Variants in MTR observed in about 807,000 individuals in gnomAD.
The protein encoded by MTR is 5-methyltetrahydrofolate-homocysteine methyltransferase, also known as methionine synthase.
Under a neutral mutation model 154.8 loss-of-function variants are expected in MTR, and 84 were observed. The observed-to-expected ratio is 0.54, with a 90% confidence interval of 0.45 to 0.65. The LOEUF is 0.65. Among genes scored for constraint, MTR ranks in the 30% least tolerant of loss-of-function variants. The pLI is 0.00. For synonymous variants in MTR, 554 were observed against 553.9 expected, an observed-to-expected ratio of 1.00 and a Z score of 0.00; for missense variants, 1,275 against 1,570.2, an observed-to-expected ratio of 0.81 and a Z score of 3.18.
chr1:236,897,310 G>GCACGCACACACACACACACACACA (rs1373475510), intron 32 of MTR, among the ~76,000 whole-genome samples, 192 bp downstream of exon 32: 37 of 128,678 alleles, frequency 2.9e-4, no homozygotes, highest in African/African-American at 9.3e-4. Context: ...CCACACACAC[G>GCACGCACACACACACACACACACA]CACACACACA....
chr1:236,807,639 A>G (rs923038575), intron 3 of MTR, among the ~76,000 whole-genome samples: 1 of 152,168 alleles, frequency 6.6e-6, no homozygotes, highest in African/African-American at 2.4e-5. Context: ...TTTAAATTTT[A>G]TAAAACCTTG....
intron 24 of MTR, among the ~76,000 whole-genome samples, chr1:236,876,615 GT>G (rs1300589811): frequency 2.0e-5 from 3 of 152,100 alleles, no homozygotes; most frequent in African/African-American, 7.2e-5. Flanking sequence ...TTTTTATATG[GT>G]GGGACACTAC....
chr1:236,796,381 A>C (rs1342906099), intron 1 of MTR, among the ~76,000 whole-genome samples: 1 of 152,194 alleles, frequency 6.6e-6, no homozygotes, highest in Non-Finnish European at 1.5e-5. Flanking sequence ...AACTGAACGT[A>C]ATGTTAGCTT....
intron 1 of MTR, among the ~76,000 whole-genome samples, chr1:236,796,038 A>G (rs552365281): frequency 6.6e-6 from 1 of 151,694 alleles, no homozygotes; most frequent in South Asian, 2.1e-4. Flanking sequence ...AGTTCCACGC[A>G]GCATAAACCA....
Position 236,900,204 on chromosome 1 carries a change from A to G in MTR, c.*2560A>G, listed in dbSNP as rs9779. The G allele has an allele frequency of 0.36, 142,805 of 394,448 alleles. 27,449 individuals carry two copies. Among genetic ancestry groups the G allele is most frequent in the East Asian group, 0.44 (5,677 of 12,924 alleles). The allele number at this position is 394,448 out of a possible 1,614,324, so 24.4% of individuals were successfully genotyped here. A position where few individuals can be genotyped will look rare whatever the true frequency, so the allele number is the denominator to read the frequency against. ...AAAATAGGTGAATAATTAGATATAT[A>G]TATTCATTCTACGGGATATTATTCA... is the stretch of plus-strand genomic sequence containing the variant. On this transcript the variant is annotated 3_prime_UTR_variant, in exon 33 of 33. Transcript: ENST00000366577.
At chr1:236,823,662 C>G (rs1300179886) in intron 8 of MTR, among the ~76,000 whole-genome samples, 1 of 152,098 alleles carries the variant, frequency 6.6e-6, no homozygotes, top group Non-Finnish European at 1.5e-5. Flanking sequence ...AGCAGGGACT[C>G]TGCCTGTGGG....
rs192997286 is a variant in MTR at position 236,881,318 on chromosome 1, C to T, written c.2676+482C>T. 3.9e-5 allele frequency among the ~76,000 whole-genome samples: 6 copies of T among 152,268 alleles called. No individual in the cohort carries two copies. The East Asian group carries it at 1.2e-3, about 29-fold the overall frequency. On this transcript the variant is annotated intron_variant, in intron 25 of 32. Coordinates refer to ENST00000366577, the MANE Select transcript of MTR (RefSeq NM_000254.3). ...CTCTGTGAACATCATAAACAATTCA[C>T]CCACGTCCTGCTTTTCTCTTTCAGT...
At chr1:236,889,409 C>T (rs149214638) in intron 28 of MTR, 73 bp downstream of exon 28, 12 of 1,588,164 alleles carry the variant, frequency 7.6e-6, no homozygotes, top group Admixed American at 6.7e-5. Context: ...AGACCGGAAT[C>T]GGTGAGGAGC....
intron 21 of MTR, 150 bp downstream of exon 21, chr1:236,862,493 G>A (rs1664600909): frequency 7.3e-6 from 5 of 683,246 alleles, no homozygotes; most frequent in South Asian, 3.2e-5. Flanking sequence ...TTTTTTAACC[G>A]AGTATCAGAA....
intron 12 of MTR, among the ~76,000 whole-genome samples, chr1:236,831,435 C>T (rs1662605379): frequency 6.6e-6 from 1 of 152,188 alleles, no homozygotes; most frequent in South Asian, 2.1e-4. Context: ...TCCTGTCTCT[C>T]AGGTCTCAAC....
chr1:236,878,006 A>C (rs1391100258), intron 24 of MTR, among the ~76,000 whole-genome samples: 1 of 152,194 alleles, frequency 6.6e-6, no homozygotes, highest in Non-Finnish European at 1.5e-5. Context: ...CTTTTTAAAT[A>C]TTTTTAAAAA....
intron 22 of MTR, among the ~76,000 whole-genome samples, chr1:236,869,527 G>T (rs995330951): frequency 6.6e-6 from 1 of 152,150 alleles, no homozygotes; most frequent in Admixed American, 6.5e-5. Context: ...AACAAATACT[G>T]TAAAATCAAC....
intron 6 of MTR, among the ~76,000 whole-genome samples, chr1:236,815,273 G>T (rs534718793): frequency 6.6e-6 from 1 of 152,140 alleles, no homozygotes; most frequent in Non-Finnish European, 1.5e-5. Context: ...TCAGGCAGTC[G>T]TCCTGTCTCA....
chr1:236,834,536 A>C (rs145412596), intron 13 of MTR, among the ~76,000 whole-genome samples: 1 of 152,156 alleles, frequency 6.6e-6, no homozygotes, highest in African/African-American at 2.4e-5. Flanking sequence ...GGCTCACTAC[A>C]TGTGGTGTTT....
chr1:236,815,092 T>G (rs1661511038), intron 6 of MTR, among the ~76,000 whole-genome samples: 1 of 152,196 alleles, frequency 6.6e-6, no homozygotes, highest in Non-Finnish European at 1.5e-5. Context: ...GCTCATGCTG[T>G]TTTTCGCAAT....
intron 22 of MTR, among the ~76,000 whole-genome samples, chr1:236,870,897 G>GCATGTAAC (rs1266102037): frequency 2.0e-5 from 3 of 152,052 alleles, no homozygotes; most frequent in Admixed American, 2.0e-4. Flanking sequence ...CAGATAACCC[G>GCATGTAAC]CATGTAACCC....
rs17598102 is a variant in MTR at position 236,796,432 on chromosome 1, A to G, written c.34+695A>G. Among the ~76,000 whole-genome samples the G allele has an allele frequency of 4.8e-3, 732 of 152,364 alleles. 8 individuals are homozygous for G. The highest frequency in any genetic ancestry group is 0.017 in the African/African-American group (698 of 41,574). On this transcript the variant is annotated intron_variant, in intron 1 of 32. Transcript: ENST00000366577. Reference sequence around the variant, plus strand: ...ATCTCTAAGGTCATGCCTGATTATAATTTGAGGACAAATACACCCGTAAAA... The same window carrying G: ...ATCTCTAAGGTCATGCCTGATTATAGTTTGAGGACAAATACACCCGTAAAA...
chr1:236,877,981 G>A (rs1288815044), intron 24 of MTR, among the ~76,000 whole-genome samples: 2 of 152,048 alleles, frequency 1.3e-5, no homozygotes, highest in Non-Finnish European at 2.9e-5. Context: ...TTTATATATT[G>A]ACCATTTGGA....
chr1:236,835,378 G>A (rs780223838), intron 13 of MTR, among the ~76,000 whole-genome samples, 169 bp from the exon 14 acceptor site: 17 of 151,980 alleles, frequency 1.1e-4, no homozygotes, highest in Admixed American at 5.2e-4. Context: ...GTGTAAGAAA[G>A]GTTAATTTGT....
Sources: allele counts gnomAD v4.1 joint callset (sites outside exome capture counted in the v4.1 genomes callset), GRCh38; gene constraint gnomAD v4.1.1; transcripts MANE v1.5; gene names NCBI Gene and HGNC (gene_info 2026-07-23, HGNC 2026-07-21).